SH3TC2: variants seen among roughly 807,000 people sequenced by gnomAD.
SH3TC2 encodes the protein SH3 domain and tetratricopeptide repeats 2, also known as SH3 domain and tetratricopeptide repeat-containing protein 2.
SH3TC2 carries 87 observed loss-of-function variants against 124.5 expected under a neutral mutation model. The ratio of observed to expected loss-of-function variants is 0.70; its 90% CI spans 0.59 to 0.84. The LOEUF (loss-of-function observed/expected upper bound fraction) is 0.84, where lower values mean the gene tolerates loss of function less well. Ranked by LOEUF, SH3TC2 falls within the 40% of genes least tolerant of loss-of-function variation. The pLI, the probability that SH3TC2 is intolerant of heterozygous loss-of-function variation, is 0.00. For missense variants in SH3TC2, 1,536 were observed against 1,566.4 expected, an observed-to-expected ratio of 0.98 and a Z score of 0.33; for synonymous variants, 634 against 628.5, an observed-to-expected ratio of 1.01 and a Z score of -0.13.
At chr5:149,045,207 A>G (rs1754438589) in intron 3 of SH3TC2, 3 of 152,856 alleles carry the variant, frequency 2.0e-5, no homozygotes, top group South Asian at 4.1e-4. Flanking sequence ...ACAAGTTTCC[A>G]TATAACTATT....
chr5:149,037,801 G>A (rs191081385), intron 8 of SH3TC2, among the ~76,000 whole-genome samples: 1 of 152,314 alleles, frequency 6.6e-6, no homozygotes, highest in Admixed American at 6.5e-5. Flanking sequence ...ATTCAAGGCA[G>A]AAAAGAGTAA....
Position 148,994,109 on chromosome 5 carries a change from G to A in SH3TC2, c.*10602C>T, listed in dbSNP as rs886173042. On this transcript the variant is annotated 3_prime_UTR_variant, in exon 17 of 17. Transcript: ENST00000515425. ...CATGCATCCCAGACAGGATGTTCAGGTGAACAAGATCTATCTAGCTTAAGT... is the reference window on the plus strand; with the variant it reads ...CATGCATCCCAGACAGGATGTTCAGATGAACAAGATCTATCTAGCTTAAGT... Among the ~76,000 whole-genome samples, 1 of 152,132 alleles carries A rather than the reference G, an allele frequency of 6.6e-6. No homozygotes were observed. The highest frequency in any genetic ancestry group is 1.5e-5 in the Non-Finnish European group (1 of 68,024).
chr5:149,016,400 A>C (rs550606277), intron 12 of SH3TC2, among the ~76,000 whole-genome samples: 1 of 151,606 alleles, frequency 6.6e-6, no homozygotes, highest in Non-Finnish European at 1.5e-5. Flanking sequence ...TTTAAAAGAC[A>C]TAAGCTATTT....
intron 12 of SH3TC2, among the ~76,000 whole-genome samples, chr5:149,022,179 A>C (rs182788240): frequency 2.4e-4 from 37 of 152,266 alleles, no homozygotes; most frequent in African/African-American, 7.7e-4. Context: ...ATATATAAAG[A>C]ATGTTTACAA....
chr5:149,030,061 G>T (rs1754157246), intron 9 of SH3TC2, among the ~76,000 whole-genome samples: 1 of 152,180 alleles, frequency 6.6e-6, no homozygotes, highest in Non-Finnish European at 1.5e-5. Flanking sequence ...AAGCCCCGCA[G>T]CTAAAGATGA....
rs116403048 is a variant in SH3TC2 at position 149,051,598 on chromosome 5, T to C, written c.151+544A>G. On this transcript the variant is annotated intron_variant, in intron 2 of 16. Coordinates refer to ENST00000515425, the MANE Select transcript of SH3TC2 (RefSeq NM_024577.4). ...TCTCAAGTAGCTGGGACTGCAAGCA[T>C]ATGCCACTGTGTCTGACTAATTTTT... 4.9e-3 allele frequency among the ~76,000 whole-genome samples: 753 copies of C among 152,234 alleles called. 8 individuals are homozygous for C. Among genetic ancestry groups the C allele is most frequent in the African/African-American group, 0.017 (721 of 41,542 alleles).
chr5:148,993,691 G>C lies in SH3TC2; in HGVS notation c.*11020C>G, dbSNP rs886854588. On this transcript the variant is annotated 3_prime_UTR_variant, in exon 17 of 17. Coordinates refer to ENST00000515425, the MANE Select transcript of SH3TC2 (RefSeq NM_024577.4). ...GTGACTGTGCTTGGTAAGTGATGGA[G>C]GCAATCATTTACAGATGATGCTCTG... Among the ~76,000 whole-genome samples the C allele has an allele frequency of 2.6e-5, 4 of 152,154 alleles. No individual in the cohort carries two copies. The highest frequency in any genetic ancestry group is 9.7e-5 in the African/African-American group (4 of 41,434).
At chr5:149,048,308 A>G (rs1189978387) in intron 2 of SH3TC2, among the ~76,000 whole-genome samples, 1 of 152,236 alleles carries the variant, frequency 6.6e-6, no homozygotes, top group Non-Finnish European at 1.5e-5. Context: ...AGGACCAGCT[A>G]GGACATACAT....
chr5:149,034,336 A>G (rs1016187284), intron 8 of SH3TC2: 2 of 170,594 alleles, frequency 1.2e-5, no homozygotes, highest in African/African-American at 4.8e-5. Context: ...CAAAAAGATA[A>G]AAAATATAAA....
chr5:148,993,945 A>G lies in SH3TC2; in HGVS notation c.*10766T>C, dbSNP rs558422955. On this transcript the variant is annotated 3_prime_UTR_variant, in exon 17 of 17. Coordinates refer to ENST00000515425, the MANE Select transcript of SH3TC2 (RefSeq NM_024577.4). ...CCAGGCACTTTACATATATTCACAC[A>G]TTTGATCCACACAACAATCCCATGA... Among the ~76,000 whole-genome samples, 1 of 152,270 alleles carries G rather than the reference A, an allele frequency of 6.6e-6. No individual in the cohort carries two copies. The highest frequency in any genetic ancestry group is 2.1e-4 in the South Asian group (1 of 4,814).
Position 149,004,526 on chromosome 5 carries a change from T to C in SH3TC2, c.*185A>G, listed in dbSNP as rs1308855457. The C allele has an allele frequency of 4.6e-5, 30 of 654,278 alleles. No individual in the cohort carries two copies. The highest frequency in any genetic ancestry group is 7.9e-5 in the Non-Finnish European group (30 of 380,386). The allele number at this position is 654,278 out of a possible 1,614,324, so 40.5% of individuals were successfully genotyped here. On this transcript the variant is annotated 3_prime_UTR_variant, in exon 17 of 17. Transcript: ENST00000515425. ...GCCTGGAACCAGGAATTCTCATCGC[T>C]GCACCATCAAATCTTTCTGTGGCCT...
intron 9 of SH3TC2, among the ~76,000 whole-genome samples, chr5:149,029,538 G>T (rs1754145452): frequency 1.3e-5 from 2 of 152,132 alleles, no homozygotes; most frequent in African/African-American, 4.8e-5. Flanking sequence ...CACAGGTGAG[G>T]CATCTGGGGG....
Position 148,994,895 on chromosome 5 carries a change from T to G in SH3TC2, c.*9816A>C, listed in dbSNP as rs1289041505. The stretch of plus-strand genomic sequence containing the variant: ...GATACTCAAGGGCAAGGATGAGGTT[T>G]TTATCCACATCCCACAATACCATGA... On this transcript the variant is annotated 3_prime_UTR_variant, in exon 17 of 17. Coordinates refer to ENST00000515425, the MANE Select transcript of SH3TC2 (RefSeq NM_024577.4). Among the ~76,000 whole-genome samples the G allele has an allele frequency of 6.6e-6, 1 of 152,162 alleles. No individual in the cohort carries two copies. The highest frequency in any genetic ancestry group is 1.5e-5 in the Non-Finnish European group (1 of 68,036).
chr5:149,013,326 C>G (rs539955112), intron 12 of SH3TC2, among the ~76,000 whole-genome samples: 1 of 151,972 alleles, frequency 6.6e-6, no homozygotes, highest in Non-Finnish European at 1.5e-5. Flanking sequence ...AGGGTAGTTC[C>G]CCTGCCATTT....
chr5:148,996,824 T>C lies in SH3TC2; in HGVS notation c.*7887A>G, dbSNP rs1276353480. Among the ~76,000 whole-genome samples, 2 of 152,200 alleles carry C rather than the reference T, an allele frequency of 1.3e-5. No homozygotes were observed. Among genetic ancestry groups the C allele is most frequent in the Non-Finnish European group, 2.9e-5 (2 of 68,020 alleles). ...GAGAGTCATACAGATCATGTTTAAC[T>C]ATGGTCCGCTAGATTTGGAAGGTTA... On this transcript the variant is annotated 3_prime_UTR_variant, in exon 17 of 17. Transcript: ENST00000515425.
chr5:149,039,174 T>C (rs770827124), intron 7 of SH3TC2, among the ~76,000 whole-genome samples: 2 of 152,220 alleles, frequency 1.3e-5, no homozygotes, highest in Non-Finnish European at 2.9e-5. Flanking sequence ...TCTGATAAAT[T>C]GCCTACCTAG....
chr5:148,997,878 A>G lies in SH3TC2; in HGVS notation c.*6833T>C, dbSNP rs1460878852. On this transcript the variant is annotated 3_prime_UTR_variant, in exon 17 of 17. Transcript: ENST00000515425. Reference sequence around the variant, plus strand: ...AGAGTCATCACAAAGGTTTTGCATGAGACTTAATGCATAAAACACATTAAC... The same window carrying G: ...AGAGTCATCACAAAGGTTTTGCATGGGACTTAATGCATAAAACACATTAAC... Among the ~76,000 whole-genome samples the G allele has an allele frequency of 6.6e-6, 1 of 152,236 alleles. No individual in the cohort carries two copies. The highest frequency in any genetic ancestry group is 1.5e-5 in the Non-Finnish European group (1 of 68,038).
intron 12 of SH3TC2, among the ~76,000 whole-genome samples, chr5:149,015,706 A>G (rs375208290): frequency 1.3e-5 from 2 of 152,082 alleles, no homozygotes; most frequent in South Asian, 4.1e-4. Context: ...GCATTTCCAG[A>G]CTTCCTCTTA....
intron 6 of SH3TC2, among the ~76,000 whole-genome samples, chr5:149,041,208 A>C (rs1383901646): frequency 6.6e-6 from 1 of 152,162 alleles, no homozygotes; most frequent in African/African-American, 2.4e-5. Context: ...TGCCCATCTG[A>C]AATTTAGAGT....
Sources: gnomAD v4.1 joint callset for allele counts (sites outside exome capture counted in the v4.1 genomes callset) on GRCh38, gnomAD v4.1.1 for gene constraint, MANE v1.5 for transcripts, NCBI Gene and HGNC (gene_info 2026-07-23, HGNC 2026-07-21) for gene names.